BRD4: variants seen among roughly 807,000 people sequenced by gnomAD.
The protein encoded by BRD4 is bromodomain containing 4, also known as bromodomain-containing protein 4.
In BRD4, 16 loss-of-function variants were observed where a neutral mutation model predicts 142.1. That is an observed-to-expected ratio of 0.11 (90% CI 0.08 to 0.17). The LOEUF (loss-of-function observed/expected upper bound fraction) is 0.17, where lower values mean the gene tolerates loss of function less well. Among genes scored for constraint, BRD4 ranks in the 10% least tolerant of loss-of-function variants. The pLI is 1.00. For missense variants in BRD4, 1,424 were observed against 1,810.9 expected, an observed-to-expected ratio of 0.79 and a Z score of 3.88; for synonymous variants, 833 against 707.5, an observed-to-expected ratio of 1.18 and a Z score of -2.82.
chr19:15,287,809 G>A (rs1015156805), intron 1 of BRD4, among the ~76,000 whole-genome samples: 6 of 150,206 alleles, frequency 4.0e-5, no homozygotes, highest in Non-Finnish European at 5.9e-5. Context: ...TCCCTTTGTC[G>A]CCCAAGCTGG....
chr19:15,258,600 TCTTTC>T (rs560434090), intron 7 of BRD4, among the ~76,000 whole-genome samples: 2 of 152,172 alleles, frequency 1.3e-5, no homozygotes, highest in South Asian at 4.2e-4. Flanking sequence ...CTTTTTTCTT[TCTTTC>T]TTCTTCTTCT....
At position 15,238,557 on chromosome 19, in the gene BRD4, CCT is replaced by C; in HGVS notation, c.4021-114_4021-113del. 1.3e-6 allele frequency: 2 copies of C among 1,559,380 alleles called. No homozygotes were observed. Among genetic ancestry groups the C allele is most frequent in the Admixed American group, 3.7e-5 (2 of 54,352 alleles). On this transcript the variant is annotated intron_variant, in intron 19 of 19. Coordinates refer to ENST00000679869, the MANE Select transcript of BRD4 (RefSeq NM_001379291.1). This position sits in a 1 kb window ranked among gnomAD's most constrained non-coding sequence, Gnocchi z 7.2. ...CCCGTAGCCCTCCCCGTGGCTGACC[CCT>C]CATAGCGCTCACCCCGTCCACACAG...
intron 1 of BRD4, among the ~76,000 whole-genome samples, chr19:15,281,021 C>T (rs901476566): frequency 3.9e-5 from 6 of 152,206 alleles, no homozygotes; most frequent in East Asian, 1.9e-4. Context: ...TTCCTGACAG[C>T]GGCTTCTTTA....
intron 1 of BRD4, among the ~76,000 whole-genome samples, chr19:15,304,601 G>A (rs1342349406): frequency 3.9e-5 from 6 of 152,108 alleles, no homozygotes; most frequent in South Asian, 2.1e-4. Flanking sequence ...GACAATGTAC[G>A]AGCAACAACT....
intron 11 of BRD4, 96 bp downstream of exon 11, chr19:15,254,056 G>A (rs1392715757): frequency 1.2e-5 from 13 of 1,052,836 alleles, no homozygotes; most frequent in East Asian, 2.4e-5. Flanking sequence ...TGGGAGTGCC[G>A]TCTCTGGGCT....
At chr19:15,261,930 A>C (rs1293394287) in intron 7 of BRD4, among the ~76,000 whole-genome samples, 1 of 152,240 alleles carries the variant, frequency 6.6e-6, no homozygotes, top group Non-Finnish European at 1.5e-5. Context: ...AAAAAGCTCC[A>C]AGCCTGAGCA....
intron 6 of BRD4, 142 bp downstream of exon 6, chr19:15,264,262 T>G (rs778297681): frequency 3.7e-4 from 437 of 1,190,656 alleles, no homozygotes; most frequent in Non-Finnish European, 4.7e-4. Context: ...GGGCGCTGAG[T>G]TTCTTCGAGT....
At position 15,264,476 on chromosome 19, in the gene BRD4, C is replaced by T. The variant is rs141051548; in HGVS notation, c.1140G>A (p.Val380=). ...AAYAWPFYKP[V]DVEALGLHDY... Reference sequence around the variant, plus strand: ...CGTGTAGGCCCAGTGCCTCCACGTCCACAGGCTTGTAGAAGGGCCAGGCGT... The same window carrying T: ...CGTGTAGGCCCAGTGCCTCCACGTCTACAGGCTTGTAGAAGGGCCAGGCGT... Residue 380 remains valine, a synonymous_variant, in exon 6 of 20, where the codon GTG becomes GTA. Transcript: ENST00000679869. 1,147 of 1,613,574 alleles carry T rather than the reference C, an allele frequency of 7.1e-4. No homozygotes were observed. The highest frequency in any genetic ancestry group is 9.1e-4 in the Non-Finnish European group (1,078 of 1,179,864).
In BRD4 at chr19:15,306,638, T is replaced by C. The variant is rs370014341; in HGVS notation, c.-35+25652A>G. Among the ~76,000 whole-genome samples, 28 of 152,272 alleles carry C rather than the reference T, an allele frequency of 1.8e-4. No homozygotes were observed. In the East Asian group the frequency reaches 2.9e-3, roughly 16 times the overall value. ...CCTTTCATCTGAACACTTTAAAGGC[T>C]ATTATAGGGTTATTAACCGGCCTAA... On this transcript the variant is annotated intron_variant, in intron 1 of 19. Transcript: ENST00000679869.
At position 15,243,354 on chromosome 19, in the gene BRD4, C is replaced by T; in HGVS notation, c.2715G>A (p.Met905Ile). The T allele has an allele frequency of 1.5e-6, 2 of 1,313,778 alleles. No individual in the cohort carries two copies. The highest frequency in any genetic ancestry group is 1.9e-6 in the Non-Finnish European group (2 of 1,033,240). The allele number at this position is 1,313,778 out of a possible 1,614,324, so 81.4% of individuals were successfully genotyped here. Residue 905 changes from methionine to isoleucine, a missense_variant, in exon 14 of 20, where the codon ATG (methionine) becomes ATA (isoleucine). This residue lies in a region of BRD4 where 598 missense variants were observed against 647.8 expected (regional missense o/e 0.92). Transcript: ENST00000679869. ...CCAGCAGCACTTGGGGGGGTTGGGCCATGGGGGGCTGTGGGAGCAGGGGTG... is the reference window on the plus strand; with the variant it reads ...CCAGCAGCACTTGGGGGGGTTGGGCTATGGGGGGCTGTGGGAGCAGGGGTG... ...TQTPLLPQPP[M>I]AQPPQVLLED...
intron 7 of BRD4, among the ~76,000 whole-genome samples, chr19:15,261,881 C>A (rs1599459865): frequency 6.6e-6 from 1 of 151,818 alleles, no homozygotes. Flanking sequence ...AGAATGACAC[C>A]CCGTTTCCAA....
chr19:15,285,561 T>C (rs554965286), intron 1 of BRD4, among the ~76,000 whole-genome samples: 36 of 149,990 alleles, frequency 2.4e-4, no homozygotes, highest in African/African-American at 8.4e-4. Flanking sequence ...TGAGACCCCA[T>C]CTCAAAAAAA....
intron 1 of BRD4, among the ~76,000 whole-genome samples, chr19:15,295,773 C>A (rs1190820468): frequency 6.6e-6 from 1 of 152,174 alleles, no homozygotes; most frequent in Admixed American, 6.5e-5. Context: ...GAGTTCAAGA[C>A]CAGCCTGGCC....
At position 15,239,505 on chromosome 19, in the gene BRD4, C is replaced by T. The variant is rs200160839; in HGVS notation, c.3463G>A (p.Val1155Met). The T allele has an allele frequency of 1.4e-5, 22 of 1,613,278 alleles. No individual in the cohort carries two copies. Among genetic ancestry groups the T allele is most frequent in the Non-Finnish European group, 1.8e-5 (21 of 1,179,756 alleles). Reference sequence around the variant, plus strand: ...CGGATCACAGGCCTCCCGACATCCACAGGCTTCATTTCCGGCCCTGGAACA... The same window carrying T: ...CGGATCACAGGCCTCCCGACATCCATAGGCTTCATTTCCGGCCCTGGAACA... The part of the protein sequence containing the change: ...HLPQRPEMKP[V>M]DVGRPVIRPP... The change falls in exon 17 of 20, where the codon GTG (valine) becomes ATG (methionine). Residue 1155 changes from valine to methionine, a missense_variant. Physicochemically the swap from Val to Met is conservative, Grantham distance 21. Coordinates refer to ENST00000679869, the MANE Select transcript of BRD4 (RefSeq NM_001379291.1). The surrounding 1 kb of genome is among the most constrained non-coding windows in gnomAD (Gnocchi z 7.4).
chr19:15,260,801 A>G (rs1568386169), intron 7 of BRD4, among the ~76,000 whole-genome samples: 2 of 150,818 alleles, frequency 1.3e-5, no homozygotes, highest in Non-Finnish European at 3.0e-5. Context: ...AAAAATGCAA[A>G]AAAAAAAAAA....
chr19:15,247,152 A>T (rs1568379635), intron 11 of BRD4: 1 of 226,268 alleles, frequency 4.4e-6, no homozygotes, highest in East Asian at 6.3e-5. Context: ...AATGTTTTTT[A>T]AAAATCCGAT....
chr19:15,290,225 C>T (rs750006992), intron 1 of BRD4, among the ~76,000 whole-genome samples: 1 of 152,060 alleles, frequency 6.6e-6, no homozygotes, highest in Non-Finnish European at 1.5e-5. Context: ...ACATTTAACA[C>T]CAAGAGTAAG....
chr19:15,323,943 G>C (rs2048086327), intron 1 of BRD4, among the ~76,000 whole-genome samples: 3 of 152,178 alleles, frequency 2.0e-5, no homozygotes, highest in African/African-American at 7.2e-5. Flanking sequence ...TACCCACATG[G>C]TCCCCCTTTT....
chr19:15,324,006 A>G (rs2048086970), intron 1 of BRD4, among the ~76,000 whole-genome samples: 1 of 152,230 alleles, frequency 6.6e-6, no homozygotes. Flanking sequence ...ACTGAGGCTT[A>G]TGGAGACGAT....
Sources: gnomAD v4.1 joint callset for allele counts (sites outside exome capture counted in the v4.1 genomes callset) on GRCh38, gnomAD v4.1.1 for gene constraint, gnomAD v4.1.1 regional missense constraint, Gnocchi (gnomAD v3.1) non-coding constraint, MANE v1.5 for transcripts, NCBI Gene and HGNC (gene_info 2026-07-23, HGNC 2026-07-21) for gene names.